BRDT: variants seen among roughly 807,000 people sequenced by gnomAD.
BRDT encodes bromodomain testis associated.
In BRDT, 77 loss-of-function variants were observed where a neutral mutation model predicts 113.9. The observed-to-expected ratio is 0.68, with a 90% CI of 0.56 to 0.82. The LOEUF is 0.82. Ranked by LOEUF, BRDT falls within the 40% of genes least tolerant of loss-of-function variation. The pLI is 0.00. For synonymous variants in BRDT, 358 were observed against 366.5 expected (o/e 0.98, Z 0.26); for missense variants, 1,027 against 1,105.4 (o/e 0.93, Z 1.01).
intron 18 of BRDT, among the ~76,000 whole-genome samples, chr1:92,006,361 C>T (rs1477691771): frequency 5.3e-5 from 8 of 151,970 alleles, no homozygotes; most frequent in African/African-American, 1.9e-4. Flanking sequence ...AAATTCTTTC[C>T]ATCGTTTTAC....
At chr1:91,964,533 A>C (rs1397102538) in intron 2 of BRDT, 94 bp from the exon 3 acceptor site, 4 of 746,246 alleles carry the variant, frequency 5.4e-6, no homozygotes, top group Non-Finnish European at 7.8e-6. Context: ...TGCTCTCTCT[A>C]GTTGCAGGTG....
chr1:91,959,829 A>C (rs998237343), intron 1 of BRDT, among the ~76,000 whole-genome samples: 1 of 152,186 alleles, frequency 6.6e-6, no homozygotes, highest in South Asian at 2.1e-4. Flanking sequence ...GTAACATGAA[A>C]ATCGTGAAAG....
At position 91,994,242 on chromosome 1, in the gene BRDT, C is replaced by G. The variant is rs375519740; in HGVS notation, c.2275C>G (p.Leu759Val). The change falls in exon 15 of 19, where the codon CTG becomes GTG. Residue 759 changes from leucine (L) to valine (V), a missense_variant. Transcript: ENST00000399546. ...TVKNISPLQILPPSGDSEQLS... is the reference protein window; with the variant it reads ...TVKNISPLQIVPPSGDSEQLS... ...GAAAAACATTTCACCTTTACAAATTCTGCCTCCCTCAGGTAAGAAATTAAC... is the reference window on the plus strand; with the variant it reads ...GAAAAACATTTCACCTTTACAAATTGTGCCTCCCTCAGGTAAGAAATTAAC... 2.5e-6 allele frequency: 4 copies of G among 1,607,136 alleles called. No individual in the cohort carries two copies. In the African/African-American group the frequency reaches 5.4e-5, roughly 22 times the overall value.
In BRDT at chr1:91,977,345, T is replaced by A. The variant is rs146375192; in HGVS notation, c.921T>A (p.His307Gln). ...NPVDVNALGLHNYYDVVKNPM... is the reference protein window; with the variant it reads ...NPVDVNALGLQNYYDVVKNPM... ...TTGACGTTAATGCTTTGGGACTCCA[T>A]AACTACTATGACGTTGTCAAAAATC... The change falls in exon 6 of 19, where the codon CAT becomes CAA. Residue 307 changes from histidine (H) to glutamine (Q), a missense_variant. Transcript: ENST00000399546. The A allele has an allele frequency of 6.6e-5, 107 of 1,612,498 alleles. No individual in the cohort carries two copies. The African/African-American group carries it at 1.3e-3, about 20-fold the overall frequency.
chr1:91,992,317 A>G lies in BRDT; in HGVS notation c.2115+3A>G. On this transcript the variant is annotated splice_donor_region_variant and intron_variant, in intron 14 of 18. Coordinates refer to ENST00000399546, the MANE Select transcript of BRDT (RefSeq NM_207189.4). ...AAGGAAGAACAGGCGTCACACAGGTAATGCTTAAAATGTGTTTTAAAGAAC... is the reference window on the plus strand; with the variant it reads ...AAGGAAGAACAGGCGTCACACAGGTGATGCTTAAAATGTGTTTTAAAGAAC... 6.7e-7 allele frequency: 1 copy of G among 1,491,136 alleles called. No individual in the cohort carries two copies. The highest frequency in any genetic ancestry group is 9.0e-7 in the Non-Finnish European group (1 of 1,113,428). The allele number at this position is 1,491,136 out of a possible 1,614,324, so 92.4% of individuals were successfully genotyped here.
intron 2 of BRDT, among the ~76,000 whole-genome samples, chr1:91,963,213 C>T (rs1380470753): frequency 1.3e-5 from 2 of 152,136 alleles, no homozygotes; most frequent in African/African-American, 2.4e-5. Context: ...CTTCCAGCTA[C>T]CCAGGAGGCT....
chr1:91,963,037 T>G (rs1382615001), intron 2 of BRDT, 91 bp downstream of exon 2: 1 of 1,130,198 alleles, frequency 8.8e-7, no homozygotes, highest in African/African-American at 1.6e-5. Context: ...TTATAAAACA[T>G]ATTTGGCCAG....
intron 18 of BRDT, among the ~76,000 whole-genome samples, chr1:92,011,446 G>A (rs1687787750): frequency 6.6e-6 from 1 of 151,946 alleles, no homozygotes; most frequent in African/African-American, 2.4e-5. Context: ...GGAACTCATT[G>A]TTAAATTTCG....
At chr1:92,012,932 G>A (rs185581188) in intron 18 of BRDT, among the ~76,000 whole-genome samples, 16 of 143,704 alleles carry the variant, frequency 1.1e-4, no homozygotes, top group African/African-American at 4.1e-4. Context: ...AAAGAATGTA[G>A]TTCATGCCAG....
At chr1:91,964,840 C>A (rs940425907) in intron 3 of BRDT, 76 bp downstream of exon 3, 10 of 1,060,722 alleles carry the variant, frequency 9.4e-6, no homozygotes, top group Admixed American at 8.7e-5. Context: ...ATCATGTGAT[C>A]ATTTCAGATT....
chr1:91,979,544 A>G (rs773202066), intron 7 of BRDT, 25 bp from the exon 8 acceptor site: 6 of 1,594,774 alleles, frequency 3.8e-6, no homozygotes, highest in African/African-American at 1.4e-5. Context: ...ACAGAAAACC[A>G]TAACAAACTA....
intron 15 of BRDT, among the ~76,000 whole-genome samples, chr1:91,999,364 G>A (rs535299434): frequency 1.8e-4 from 27 of 152,210 alleles, no homozygotes; most frequent in African/African-American, 6.3e-4. Flanking sequence ...GTATCACAGG[G>A]TCATTCATGT....
At chr1:91,979,812 G>A in intron 8 of BRDT, 55 bp downstream of exon 8, 1 of 1,502,396 alleles carries the variant, frequency 6.7e-7, no homozygotes, top group Non-Finnish European at 8.9e-7. Context: ...TAATCTATCA[G>A]GAAATTTTTT....
rs548636998 is a variant in BRDT, at chr1:92,014,386, G to C, written c.*112G>C. ...AGATACCAATCTTATATTGTATTTT[G>C]ACTGCTCTAAAATGATTAAACAGTT... On this transcript the variant is annotated 3_prime_UTR_variant, in exon 19 of 19. Coordinates refer to ENST00000399546, the MANE Select transcript of BRDT (RefSeq NM_207189.4). The C allele has an allele frequency of 1.5e-6, 1 of 666,790 alleles. No individual in the cohort carries two copies. Among genetic ancestry groups the C allele is most frequent in the East Asian group, 3.2e-5 (1 of 30,790 alleles). 41.3% of individuals were successfully genotyped at this position (666,790 alleles called of 1,614,324 possible).
chr1:92,006,483 C>T (rs1278007988), intron 18 of BRDT, among the ~76,000 whole-genome samples: 1 of 151,316 alleles, frequency 6.6e-6, no homozygotes, highest in Non-Finnish European at 1.5e-5. Context: ...TTGTTTTTAT[C>T]GAGATGAAGT....
intron 18 of BRDT, among the ~76,000 whole-genome samples, chr1:92,006,811 G>C (rs1570648716): frequency 1.3e-5 from 2 of 149,844 alleles, no homozygotes; most frequent in East Asian, 4.0e-4. Context: ...TTTTGAGACA[G>C]AATTTTGCTC....
At chr1:91,969,686 A>G (rs1683419471) in intron 4 of BRDT, among the ~76,000 whole-genome samples, 1 of 152,146 alleles carries the variant, frequency 6.6e-6, no homozygotes, top group South Asian at 2.1e-4. Flanking sequence ...TGTTGCTAGA[A>G]GGTAAAAATT....
chr1:91,999,106 G>A (rs3767854), intron 15 of BRDT, among the ~76,000 whole-genome samples: 106,888 of 151,924 alleles, frequency 0.7, 38,884 homozygotes, highest in Middle Eastern at 0.8. Flanking sequence ...AGACCAGCTG[G>A]GCTGTTGCAG....
At chr1:91,995,174 C>T (rs1686182918) in intron 15 of BRDT, among the ~76,000 whole-genome samples, 1 of 151,996 alleles carries the variant, frequency 6.6e-6, no homozygotes, top group Admixed American at 6.6e-5. Context: ...ATGACTAAAC[C>T]TTGAGACACT....
Sources: gnomAD v4.1 joint callset for allele counts (sites outside exome capture counted in the v4.1 genomes callset) on GRCh38, gnomAD v4.1.1 for gene constraint, MANE v1.5 for transcripts, NCBI Gene and HGNC (gene_info 2026-07-23, HGNC 2026-07-21) for gene names.